The following TTC5 variants were observed in gnomAD, a reference collection of about 807,000 sequenced individuals.
TTC5 encodes tetratricopeptide repeat protein 5.
Under a neutral mutation model 57.4 loss-of-function variants are expected in TTC5, and 46 were observed. That is an observed-to-expected ratio of 0.80 (90% CI 0.63 to 1.03). The LOEUF is 1.03. TTC5 is among the 50% of genes least tolerant of loss of function. The probability of loss-of-function intolerance (pLI) is 0.00; values close to 1 mark genes in which losing one functional copy is unlikely to be tolerated. For synonymous variants in TTC5, 190 were observed against 203.5 expected, an observed-to-expected ratio of 0.93 and a Z score of 0.57; for missense variants, 504 against 528.1, an observed-to-expected ratio of 0.95 and a Z score of 0.45.
chr14:20,304,805 T>C (rs1170936042), intron 1 of TTC5, among the ~76,000 whole-genome samples: 1 of 152,214 alleles, frequency 6.6e-6, no homozygotes, highest in Non-Finnish European at 1.5e-5. Context: ...AGTTGTTTGG[T>C]TTTATTGTTT....
At chr14:20,302,159 G>C (rs1882206193) in intron 1 of TTC5, among the ~76,000 whole-genome samples, 194 bp from the exon 2 acceptor site, 1 of 152,166 alleles carries the variant, frequency 6.6e-6, no homozygotes, top group Non-Finnish European at 1.5e-5. Context: ...CCCCAGGCCA[G>C]CTCTCATGGT....
intron 1 of TTC5, among the ~76,000 whole-genome samples, chr14:20,304,650 T>C (rs1882255321): frequency 6.6e-6 from 1 of 152,220 alleles, no homozygotes; most frequent in African/African-American, 2.4e-5. Context: ...TTAGGACATT[T>C]ACCACAAATG....
rs758505803 is a variant in TTC5, at chr14:20,292,082, C to T, written c.1104G>A (p.Met368Ile). 1.3e-6 allele frequency: 2 copies of T among 1,593,334 alleles called. 1 individual carries two copies. The highest frequency in any genetic ancestry group is 2.3e-5 in the South Asian group (2 of 87,890). Residue 368 changes from methionine to isoleucine, a missense_variant, in exon 9 of 10, where the codon ATG becomes ATA. By Grantham distance (10) the Met-to-Ile change is conservative. Coordinates refer to ENST00000258821, the MANE Select transcript of TTC5 (RefSeq NM_138376.3). ...CCCAGCTCTGCACTATATTGTACAC[C>T]ATCACTGCATAGCAAGGTCCATCTG... ...VDSDGPCYAV[M>I]VYNIVQSWGV...
chr14:20,297,905 TA>T (rs1415559416), intron 5 of TTC5, among the ~76,000 whole-genome samples: 1 of 152,178 alleles, frequency 6.6e-6, no homozygotes, highest in Admixed American at 6.5e-5. Context: ...ATAATTGCTC[TA>T]AAAGTTCCGT....
Position 20,295,822 on chromosome 14 carries a change from G to A in TTC5, c.729C>T (p.Ala243=), listed in dbSNP as rs1594263917. 1.9e-6 allele frequency: 3 copies of A among 1,598,652 alleles called. No homozygotes were observed. Among genetic ancestry groups the A allele is most frequent in the East Asian group, 2.2e-5 (1 of 44,824 alleles). ...CTGCAGCCCGAGAGAAGCCCTCCAG[G>A]GCCTCCCCATAACTCTCTTCATATT... ...LHKYEESYGE[A]LEGFSRAAAL... The change falls in exon 7 of 10, where the codon GCC becomes GCT. Residue 243 remains alanine, a synonymous_variant. Coordinates refer to ENST00000258821, the MANE Select transcript of TTC5 (RefSeq NM_138376.3).
At chr14:20,297,766 C>A (rs1388359259) in intron 5 of TTC5, among the ~76,000 whole-genome samples, 2 of 151,072 alleles carry the variant, frequency 1.3e-5, no homozygotes, top group East Asian at 3.9e-4. Flanking sequence ...GAATGAGACT[C>A]CGTCTCAAAA....
chr14:20,297,064 T>G (rs1306725546), intron 5 of TTC5, among the ~76,000 whole-genome samples: 2 of 152,138 alleles, frequency 1.3e-5, no homozygotes, highest in African/African-American at 4.8e-5. Context: ...TTTTAAAAAT[T>G]TAAATAGTGA....
At chr14:20,300,471 G>T in intron 3 of TTC5, 136 bp downstream of exon 3, 1 of 701,942 alleles carries the variant, frequency 1.4e-6, no homozygotes, top group Non-Finnish European at 2.3e-6. Context: ...TCTGCTCTCT[G>T]ACCTTTCCTC....
At chr14:20,294,611 T>C (rs560761015) in intron 8 of TTC5, 1 of 152,008 alleles carries the variant, frequency 6.6e-6, no homozygotes, top group East Asian at 1.9e-4. Context: ...ACAATGGTGA[T>C]CCTAGGAAAA....
intron 1 of TTC5, among the ~76,000 whole-genome samples, chr14:20,303,015 A>C (rs542128347): frequency 4.1e-4 from 62 of 152,094 alleles, no homozygotes; most frequent in Non-Finnish European, 5.9e-5. Flanking sequence ...ATCATGGTGA[A>C]ACCCGGTCTC....
At chr14:20,292,154 G>C (rs906673727) in intron 8 of TTC5, 27 bp from the exon 9 acceptor site, 3 of 1,457,250 alleles carry the variant, frequency 2.1e-6, no homozygotes, top group Non-Finnish European at 2.7e-6. Flanking sequence ...GATTAGGAGA[G>C]AGGAAAACAA....
chr14:20,297,746 C>T (rs1006479566), intron 5 of TTC5, among the ~76,000 whole-genome samples: 4 of 151,314 alleles, frequency 2.6e-5, no homozygotes, highest in African/African-American at 9.7e-5. Flanking sequence ...GCACTCCAGC[C>T]TGGGTGGCAG....
Position 20,289,553 on chromosome 14 carries a change from T to C in TTC5, c.*74A>G, listed in dbSNP as rs1881909858. The C allele has an allele frequency of 1.3e-6, 2 of 1,521,982 alleles. No individual in the cohort carries two copies. Among genetic ancestry groups the C allele is most frequent in the East Asian group, 4.5e-5 (2 of 44,002 alleles). 94.3% of individuals were successfully genotyped at this position (1,521,982 alleles called of 1,614,324 possible). On this transcript the variant is annotated 3_prime_UTR_variant, in exon 10 of 10. Transcript: ENST00000258821. ...ATTCCTCCCATCCCTGCTGAATCAC[T>C]GGATGTGGCTGGACCGGCTGTCCAG...
In TTC5 at chr14:20,305,941, C is replaced by A. The variant is rs371350662; in HGVS notation, c.-4G>T. 4.5e-5 allele frequency: 72 copies of A among 1,613,962 alleles called. No homozygotes were observed. The Admixed American group carries it at 7.0e-4, about 16-fold the overall frequency. On this transcript the variant is annotated 5_prime_UTR_variant, in exon 1 of 10. Coordinates refer to ENST00000258821, the MANE Select transcript of TTC5 (RefSeq NM_138376.3). ...CTTCCTCTTCATCAGCCATCATCTCCCGGCCACTCCACCCCCAACTTTATA... is the reference window on the plus strand; with the variant it reads ...CTTCCTCTTCATCAGCCATCATCTCACGGCCACTCCACCCCCAACTTTATA...
chr14:20,299,332 A>G lies in TTC5; in HGVS notation c.513T>C (p.Ala171=), dbSNP rs755269211. The G allele has an allele frequency of 1.9e-6, 3 of 1,614,162 alleles. No homozygotes were observed. Among genetic ancestry groups the G allele is most frequent in the Admixed American group, 1.7e-5 (1 of 60,032 alleles). ...VMDSVRQAKL[A]VQMDVHDGRS... is the part of the protein sequence containing the mutation. ...GGCCATCATGGACATCCATCTGAACAGCCAACTTAGCCTGTCGGACACTGT... is the reference window on the plus strand; with the variant it reads ...GGCCATCATGGACATCCATCTGAACGGCCAACTTAGCCTGTCGGACACTGT... The change falls in exon 4 of 10, where the codon GCT becomes GCC. Residue 171 remains alanine, a synonymous_variant. Coordinates refer to ENST00000258821, the MANE Select transcript of TTC5 (RefSeq NM_138376.3).
rs765071535 is a variant in TTC5, at chr14:20,301,915, A to T, written c.102T>A (p.His34Gln). Residue 34 changes from histidine (H) to glutamine (Q), a missense_variant, in exon 2 of 10, where the codon CAT becomes CAA. His to Gln is a conservative substitution (Grantham distance 24). Coordinates refer to ENST00000258821, the MANE Select transcript of TTC5 (RefSeq NM_138376.3). ...GCTTCCTCCCAGCATCCTCAACACT[A>T]TGTGTCTCGAAATAGCAGTCTCGAA... Reference protein sequence around the residue: ...YSFRDCYFETHSVEDAGRKQQ... With the variant: ...YSFRDCYFETQSVEDAGRKQQ... The T allele has an allele frequency of 6.2e-7, 1 of 1,614,026 alleles. No homozygotes were observed. Among genetic ancestry groups the T allele is most frequent in the Non-Finnish European group, 8.5e-7 (1 of 1,179,990 alleles).
At chr14:20,291,400 G>T (rs1187598311) in intron 9 of TTC5, among the ~76,000 whole-genome samples, 2 of 152,152 alleles carry the variant, frequency 1.3e-5, no homozygotes, top group Non-Finnish European at 2.9e-5. Context: ...GCCAGATTTG[G>T]TCAATGGGCT....
rs749799203 is a variant in TTC5 at position 20,296,394 on chromosome 14, G to A, written c.692C>T (p.Ala231Val). The A allele has an allele frequency of 3.7e-6, 6 of 1,611,740 alleles. No homozygotes were observed. The highest frequency in any genetic ancestry group is 4.5e-5 in the East Asian group (2 of 44,888). ...ACTACACCCCAAAGGTCTTACCGTC[G>A]CCCTGTTCAGATGAAGGTCAGGATT... is the stretch of plus-strand genomic sequence containing the variant. Reference protein sequence around the residue: ...SSNPDLHLNRATLHKYEESYG... With the variant: ...SSNPDLHLNRVTLHKYEESYG... Residue 231 changes from alanine to valine, a missense_variant, in exon 6 of 10, where the codon GCG becomes GTG. Transcript: ENST00000258821.
chr14:20,304,867 C>T (rs902130756), intron 1 of TTC5, among the ~76,000 whole-genome samples: 1 of 151,908 alleles, frequency 6.6e-6, no homozygotes, highest in Non-Finnish European at 1.5e-5. Context: ...TTTTTCATGG[C>T]AAAATCAATA....
Sources: allele counts gnomAD v4.1 joint callset (sites outside exome capture counted in the v4.1 genomes callset), GRCh38; gene constraint gnomAD v4.1.1; transcripts MANE v1.5; gene names NCBI Gene and HGNC (gene_info 2026-07-23, HGNC 2026-07-21).